Variants in ATF7IP observed in about 807,000 individuals in gnomAD.
The protein encoded by ATF7IP is activating transcription factor 7 interacting protein.
In ATF7IP, 23 loss-of-function variants were observed where a neutral mutation model predicts 106.4. The ratio of observed to expected loss-of-function variants is 0.22; its 90% CI spans 0.16 to 0.31. The LOEUF is 0.31. Among genes scored for constraint, ATF7IP ranks in the 10% least tolerant of loss-of-function variants. The pLI is 1.00. For missense variants in ATF7IP, 1,334 were observed against 1,524.3 expected, an observed-to-expected ratio of 0.88 and a Z score of 2.08; for synonymous variants, 542 against 539.0, an observed-to-expected ratio of 1.01 and a Z score of -0.08.
At chr12:14,480,048 C>T (rs765976895) in intron 12 of ATF7IP, among the ~76,000 whole-genome samples, 5 of 152,102 alleles carry the variant, frequency 3.3e-5, no homozygotes, top group Non-Finnish European at 7.4e-5. Context: ...CTTCTTTCTT[C>T]CCGTTTCTGA....
chr12:14,375,910 TA>T (rs1364750545), intron 1 of ATF7IP, among the ~76,000 whole-genome samples: 17 of 152,232 alleles, frequency 1.1e-4, no homozygotes, highest in African/African-American at 4.1e-4. Flanking sequence ...AGCTAGAATG[TA>T]AATGCATTTA....
intron 10 of ATF7IP, among the ~76,000 whole-genome samples, chr12:14,467,362 A>G (rs1943871723): frequency 6.6e-6 from 1 of 152,180 alleles, no homozygotes; most frequent in African/African-American, 2.4e-5. Context: ...TTTCTTTAAA[A>G]ACGATGGATT....
chr12:14,488,348 T>G (rs759656921), intron 13 of ATF7IP, among the ~76,000 whole-genome samples: 1 of 152,140 alleles, frequency 6.6e-6, no homozygotes, highest in Non-Finnish European at 1.5e-5. Flanking sequence ...AAAGCTAGTC[T>G]GACACCCAAA....
chr12:14,470,246 CA>C (rs1159892665), intron 10 of ATF7IP, among the ~76,000 whole-genome samples: 1 of 152,088 alleles, frequency 6.6e-6, no homozygotes, highest in Non-Finnish European at 1.5e-5. Context: ...TGTTTCATTA[CA>C]AAAAAGCTAC....
At chr12:14,406,310 G>T (rs1169313865) in intron 1 of ATF7IP, among the ~76,000 whole-genome samples, 1 of 152,106 alleles carries the variant, frequency 6.6e-6, no homozygotes, top group South Asian at 2.1e-4. Context: ...TGTTGGCCAG[G>T]CTGGTGTCGA....
Position 14,460,784 on chromosome 12 carries a change from C to T in ATF7IP, c.2448C>T (p.Phe816=). The T allele has an allele frequency of 6.2e-7, 1 of 1,614,192 alleles. No homozygotes were observed. The highest frequency in any genetic ancestry group is 8.5e-7 in the Non-Finnish European group (1 of 1,180,034). ...VTNQPSGNVE[F]ISVQSPPTVS... is the part of the protein sequence containing the mutation. ...ATCAACCATCTGGCAATGTTGAATT[C>T]ATTTCTGTGCAAAGCCCACCTACAG... The change falls in exon 9 of 15, where the codon TTC becomes TTT. Residue 816 remains phenylalanine (F), a synonymous_variant. Coordinates refer to ENST00000261168, the MANE Select transcript of ATF7IP (RefSeq NM_018179.5).
intron 1 of ATF7IP, among the ~76,000 whole-genome samples, chr12:14,375,375 A>G (rs1938697264): frequency 6.6e-6 from 1 of 152,134 alleles, no homozygotes; most frequent in South Asian, 2.1e-4. Context: ...GTTGCTTGTT[A>G]ATAAAAAGTT....
At chr12:14,433,697 C>A (rs564712568) in intron 2 of ATF7IP, among the ~76,000 whole-genome samples, 5 of 151,742 alleles carry the variant, frequency 3.3e-5, no homozygotes, top group African/African-American at 1.2e-4. Context: ...AGAAAATTAA[C>A]CCTTCTGAAT....
chr12:14,382,776 A>G (rs1015372616), intron 1 of ATF7IP, among the ~76,000 whole-genome samples: 2 of 152,248 alleles, frequency 1.3e-5, no homozygotes, highest in African/African-American at 2.4e-5. Flanking sequence ...ATATCCTTAT[A>G]TAAAGATTAT....
intron 1 of ATF7IP, among the ~76,000 whole-genome samples, chr12:14,376,263 C>A: frequency 6.6e-6 from 1 of 152,228 alleles, no homozygotes; most frequent in East Asian, 1.9e-4. Flanking sequence ...TTAAAAACAT[C>A]TGCTGGACAT....
chr12:14,372,086 G>C (rs1938555807), intron 1 of ATF7IP, among the ~76,000 whole-genome samples: 2 of 151,996 alleles, frequency 1.3e-5, no homozygotes, highest in Admixed American at 1.3e-4. Context: ...ATCCTTTAGT[G>C]GAACTCTCTT....
At chr12:14,379,259 C>T (rs1938901874) in intron 1 of ATF7IP, among the ~76,000 whole-genome samples, 1 of 152,080 alleles carries the variant, frequency 6.6e-6, no homozygotes, top group Non-Finnish European at 1.5e-5. Context: ...TTGCCTCTGC[C>T]ATGTGATGTG....
intron 1 of ATF7IP, among the ~76,000 whole-genome samples, chr12:14,388,929 CGTGCCCT>C (rs1473677230): frequency 1.8e-4 from 27 of 152,288 alleles, no homozygotes; most frequent in East Asian, 1.5e-3. Flanking sequence ...CATGAGGCAT[CGTGCCCT>C]GTGTTCATTC....
intron 5 of ATF7IP, among the ~76,000 whole-genome samples, chr12:14,440,009 C>G (rs1942619913): frequency 6.6e-6 from 1 of 152,098 alleles, no homozygotes; most frequent in Admixed American, 6.5e-5. Context: ...AACACCAAGC[C>G]AATCATCTTC....
intron 1 of ATF7IP, among the ~76,000 whole-genome samples, chr12:14,401,223 C>T (rs1456263527): frequency 1.3e-5 from 2 of 152,152 alleles, no homozygotes; most frequent in Non-Finnish European, 2.9e-5. Flanking sequence ...GAGACAGAGT[C>T]TTGCTCTTGT....
intron 10 of ATF7IP, among the ~76,000 whole-genome samples, chr12:14,467,373 T>G (rs1943872408): frequency 6.6e-6 from 1 of 152,174 alleles, no homozygotes; most frequent in Non-Finnish European, 1.5e-5. Flanking sequence ...ACGATGGATT[T>G]TGACCAACCT....
Position 14,367,688 on chromosome 12 carries a change from A to G in ATF7IP, c.-8+1861A>G, listed in dbSNP as rs1371773968. 3.3e-5 allele frequency among the ~76,000 whole-genome samples: 5 copies of G among 152,212 alleles called. No homozygotes were observed. The East Asian group carries it at 7.7e-4, about 23-fold the overall frequency. ...ATACAGATGATTGCTTTTTAGGTTA[A>G]TATTGAAGGTAGTAAGAGGTATTTG... On this transcript the variant is annotated intron_variant, in intron 1 of 14. Transcript: ENST00000261168.
chr12:14,384,872 T>TTA lies in ATF7IP; in HGVS notation c.-8+19045_-8+19046insTA, dbSNP rs35879483. Reference sequence around the variant, plus strand: ...CTTTTCATGATAAAACTATAAAAGGTAAAAAAAAAAAAAAGGCCTTGAGCA... The same window carrying TTA: ...CTTTTCATGATAAAACTATAAAAGGTTAAAAAAAAAAAAAAAGGCCTTGAGCA... On this transcript the variant is annotated intron_variant, in intron 1 of 14. Transcript: ENST00000261168. Among the ~76,000 whole-genome samples, 6 of 135,546 alleles carry TTA rather than the reference T, an allele frequency of 4.4e-5. No individual in the cohort carries two copies. The East Asian group carries it at 6.3e-4, about 14-fold the overall frequency. 88.9% of individuals were successfully genotyped at this position (135,546 alleles called of 152,430 possible).
In ATF7IP at chr12:14,434,357, A is replaced by C. The variant is rs1394340303; in HGVS notation, c.1579A>C (p.Lys527Gln). The C allele has an allele frequency of 6.3e-7, 1 of 1,580,724 alleles. No homozygotes were observed. Among genetic ancestry groups the C allele is most frequent in the Non-Finnish European group, 8.7e-7 (1 of 1,154,060 alleles). ...AACAGCAGAAGTAGAAAGTAATGAA[A>C]AGGACAACAAACCTGAGGAAGAAGA... ...CSPAEVESNEKDNKPEEEEQV... is the reference protein window; with the variant it reads ...CSPAEVESNEQDNKPEEEEQV... Residue 527 changes from lysine (K) to glutamine (Q), a missense_variant, in exon 3 of 15, where the codon AAG (lysine) becomes CAG (glutamine). Transcript: ENST00000261168.
Sources: allele counts gnomAD v4.1 joint callset (sites outside exome capture counted in the v4.1 genomes callset), GRCh38; gene constraint gnomAD v4.1.1; transcripts MANE v1.5; gene names NCBI Gene and HGNC (gene_info 2026-07-23, HGNC 2026-07-21).